GRM7: variants seen among roughly 807,000 people sequenced by gnomAD.
The protein encoded by GRM7 is metabotropic glutamate receptor 7.
GRM7 carries 35 observed loss-of-function variants against 84.5 expected under a neutral mutation model. That is an observed-to-expected ratio of 0.41 (90% confidence interval 0.32 to 0.55). The LOEUF (loss-of-function observed/expected upper bound fraction) is 0.55. Among genes scored for constraint, GRM7 ranks in the 20% least tolerant of loss-of-function variants. The pLI, the probability that GRM7 is intolerant of heterozygous loss-of-function variation, is 0.19. For missense variants in GRM7, 1,003 were observed against 1,194.6 expected (o/e 0.84, Z 2.36); for synonymous variants, 487 against 455.1 (o/e 1.07, Z -0.89).
intron 6 of GRM7, among the ~76,000 whole-genome samples, chr3:7,459,568 G>A (rs1473608224): frequency 6.6e-6 from 1 of 152,054 alleles, no homozygotes; most frequent in Non-Finnish European, 1.5e-5. Context: ...ATGGTGGCGG[G>A]CAAAAGAGAA....
At chr3:7,711,615 G>A (rs1701580283) in intron 9 of GRM7, among the ~76,000 whole-genome samples, 1 of 152,174 alleles carries the variant, frequency 6.6e-6, no homozygotes. Context: ...AAGGCATGCT[G>A]CCTGGAACTC....
chr3:7,264,983 A>C (rs1001183254), intron 2 of GRM7, among the ~76,000 whole-genome samples: 1 of 152,236 alleles, frequency 6.6e-6, no homozygotes, highest in Admixed American at 6.5e-5. Flanking sequence ...TTCTCAATAA[A>C]GGTTGTATTT....
chr3:7,082,024 A>C (rs562930135), intron 1 of GRM7, among the ~76,000 whole-genome samples: 35 of 152,282 alleles, frequency 2.3e-4, no homozygotes, highest in African/African-American at 8.2e-4. Flanking sequence ...TGAGGCAGCA[A>C]GTGCTGATAT....
Position 7,165,375 on chromosome 3 carries a change from T to G in GRM7, c.736+18707T>G, listed in dbSNP as rs190527080. ...CAGGGAGAAAAAAATTGAAGAAAAA[T>G]TAAACTATCAGAGTAATATAGAATC... On this transcript the variant is annotated intron_variant, in intron 2 of 9. Transcript: ENST00000357716. Among the ~76,000 whole-genome samples, 481 of 152,338 alleles carry G rather than the reference T, an allele frequency of 3.2e-3. 2 individuals are homozygous for G. The highest frequency in any genetic ancestry group is 0.011 in the African/African-American group (459 of 41,582).
chr3:6,862,916 G>C lies in GRM7; in HGVS notation c.519+1009G>C, dbSNP rs1694810936. The C allele has an allele frequency of 1.4e-5, 6 of 431,766 alleles. 1 individual carries two copies. Among genetic ancestry groups the C allele is most frequent in the South Asian group, 9.8e-5 (6 of 61,090 alleles). 26.7% of individuals were successfully genotyped at this position (431,766 alleles called of 1,614,324 possible). On this transcript the variant is annotated intron_variant, in intron 1 of 9. Transcript: ENST00000357716. This position sits in a 1 kb window ranked among gnomAD's most constrained non-coding sequence, Gnocchi z 5.2. Reference sequence around the variant, plus strand: ...AAAAAATGGGAGGAAGGCGGATCCGGGGCCGCTGAGCGGTGGGTTCTGCCG... The same window carrying C: ...AAAAAATGGGAGGAAGGCGGATCCGCGGCCGCTGAGCGGTGGGTTCTGCCG...
intron 2 of GRM7, among the ~76,000 whole-genome samples, chr3:7,180,620 C>A (rs992281250): frequency 6.6e-6 from 1 of 152,064 alleles, no homozygotes; most frequent in Non-Finnish European, 1.5e-5. Flanking sequence ...TTCAAATAGA[C>A]CCCAAGTTAA....
chr3:7,154,467 C>G (rs1207677183), intron 2 of GRM7, among the ~76,000 whole-genome samples: 2 of 152,094 alleles, frequency 1.3e-5, no homozygotes, highest in African/African-American at 4.8e-5. Context: ...CTTCTGCCTG[C>G]CATCATTGCA....
Position 7,001,213 on chromosome 3 carries a change from G to A in GRM7, c.519+139306G>A, listed in dbSNP as rs535413728. On this transcript the variant is annotated intron_variant, in intron 1 of 9. Coordinates refer to ENST00000357716, the MANE Select transcript of GRM7 (RefSeq NM_000844.4). The stretch of plus-strand genomic sequence containing the variant: ...GATTTTTTTAAAATTGTCTGGGCAT[G>A]GTGGTACATGCCTGTTGTCCCAGCT... Among the ~76,000 whole-genome samples the A allele has an allele frequency of 8.3e-4, 127 of 152,256 alleles. 1 individual carries two copies. Among genetic ancestry groups the A allele is most frequent in the African/African-American group, 2.8e-3 (117 of 41,546 alleles).
chr3:6,998,855 C>G (rs1694915767), intron 1 of GRM7, among the ~76,000 whole-genome samples: 2 of 152,326 alleles, frequency 1.3e-5, no homozygotes, highest in Non-Finnish European at 2.9e-5. Context: ...CAGCAAGGCC[C>G]TGGGCCCAGG....
Position 7,262,925 on chromosome 3 carries a change from T to G in GRM7, c.737-35759T>G, listed in dbSNP as rs947785448. On this transcript the variant is annotated intron_variant, in intron 2 of 9. Transcript: ENST00000357716. ...GTTGGCCAGACTGGTCTTGAACTCC[T>G]GCCTACAGGTGATCCACCCACCATG... Among the ~76,000 whole-genome samples the G allele has an allele frequency of 3.4e-4, 52 of 152,250 alleles. 1 individual carries two copies. The South Asian group carries it at 5.6e-3, about 16-fold the overall frequency.
chr3:7,502,865 C>T lies in GRM7; in HGVS notation c.1515+41143C>T, dbSNP rs77814713. ...CATCAACATCATTTTAATTCTAACG[C>T]AACCCTGAAGAGTGATAAATTCCAT... On this transcript the variant is annotated intron_variant, in intron 7 of 9. Coordinates refer to ENST00000357716, the MANE Select transcript of GRM7 (RefSeq NM_000844.4). Among the ~76,000 whole-genome samples, 607 of 152,274 alleles carry T rather than the reference C, an allele frequency of 4.0e-3. 5 individuals are homozygous for T. Among genetic ancestry groups the T allele is most frequent in the African/African-American group, 0.014 (571 of 41,560 alleles).
At chr3:7,448,139 C>T (rs984539677) in intron 5 of GRM7, among the ~76,000 whole-genome samples, 8 of 151,678 alleles carry the variant, frequency 5.3e-5, no homozygotes, top group Non-Finnish European at 8.8e-5. Context: ...TTTCTTAATC[C>T]GGTCTATCAT....
intron 2 of GRM7, among the ~76,000 whole-genome samples, chr3:7,175,654 C>T (rs755879162): frequency 1.3e-5 from 2 of 152,222 alleles, no homozygotes; most frequent in South Asian, 4.2e-4. Context: ...TCTTCTGCCT[C>T]AGCCTCCTGA....
chr3:7,222,094 C>T (rs1479495719), intron 2 of GRM7, among the ~76,000 whole-genome samples: 2 of 151,860 alleles, frequency 1.3e-5, no homozygotes, highest in East Asian at 1.9e-4. Context: ...CAGGCGCGAG[C>T]CCCCGCACCC....
intron 1 of GRM7, among the ~76,000 whole-genome samples, chr3:7,076,646 A>G (rs773255824): frequency 1.3e-5 from 2 of 151,878 alleles, no homozygotes; most frequent in Non-Finnish European, 2.9e-5. Flanking sequence ...CAGCACCCCA[A>G]TGGAGCGCTG....
intron 1 of GRM7, among the ~76,000 whole-genome samples, chr3:6,867,505 G>A (rs1195724466): frequency 6.6e-6 from 1 of 152,106 alleles, no homozygotes; most frequent in Non-Finnish European, 1.5e-5. Context: ...TTTCATTAAA[G>A]CAAATCTTTT....
At chr3:7,310,324 C>A (rs777114234) in intron 4 of GRM7, among the ~76,000 whole-genome samples, 2 of 152,244 alleles carry the variant, frequency 1.3e-5, no homozygotes, top group East Asian at 1.9e-4. Context: ...TAGGAATAGA[C>A]AAAACATACT....
At chr3:6,999,695 G>A (rs938770269) in intron 1 of GRM7, among the ~76,000 whole-genome samples, 15 of 152,132 alleles carry the variant, frequency 9.9e-5, no homozygotes, top group Non-Finnish European at 2.1e-4. Context: ...CCTTCTTCAC[G>A]TGGCAGCAGC....
At chr3:7,142,226 T>G (rs1693968452) in intron 1 of GRM7, among the ~76,000 whole-genome samples, 1 of 152,054 alleles carries the variant, frequency 6.6e-6, no homozygotes, top group South Asian at 2.1e-4. Context: ...AAGACCCATA[T>G]TTTAATAATA....
Sources: gnomAD v4.1 joint callset for allele counts (sites outside exome capture counted in the v4.1 genomes callset) on GRCh38, gnomAD v4.1.1 for gene constraint, Gnocchi (gnomAD v3.1) non-coding constraint, MANE v1.5 for transcripts, NCBI Gene and HGNC (gene_info 2026-07-23, HGNC 2026-07-21) for gene names.